Variants in VGLL1 observed in about 807,000 individuals in gnomAD.
VGLL1 encodes vestigial like family member 1.
VGLL1 carries 4 observed loss-of-function variants against 12.0 expected under a neutral mutation model. That is an observed-to-expected ratio of 0.33 (90% CI 0.16 to 0.76). VGLL1 has a LOEUF of 0.76. Among genes scored for constraint, VGLL1 ranks in the 30% least tolerant of loss-of-function variants. The probability of loss-of-function intolerance (pLI) is 0.60; values close to 1 mark genes in which losing one functional copy is unlikely to be tolerated. For synonymous variants in VGLL1, 87 were observed against 81.2 expected (o/e 1.07, Z -0.39); for missense variants, 204 against 208.7 (o/e 0.98, Z 0.14).
chrX:136,550,475 T>C (rs190607612), intron 3 of VGLL1: 24 of 233,935 alleles, frequency 1.0e-4, no homozygotes, highest in African/African-American at 6.9e-4. Context: ...CAAATGGTTA[T>C]CACCAAGGTC....
At chrX:136,539,150 C>T (rs899626350) in intron 2 of VGLL1, among the ~76,000 whole-genome samples, 2 of 111,900 alleles carry the variant, frequency 1.8e-5, no homozygotes, top group African/African-American at 3.3e-5. Flanking sequence ...TTTCTGAACA[C>T]ATTGGCTTGG....
chrX:136,536,065 A>C lies in VGLL1; in HGVS notation c.45A>C (p.Lys15Asn). Residue 15 changes from lysine to asparagine, a missense_variant, in exon 2 of 5, where the codon AAA (lysine) becomes AAC (asparagine). Physicochemically the swap from Lys to Asn is moderately conservative, Grantham distance 94. Transcript: ENST00000370634. The part of the protein sequence containing the change: ...KKTAIRLPKG[K>N]QKPIKTEWNS... ...CTGCCATCCGGCTGCCCAAAGGCAA[A>C]CAGAAGCCTATAAAGACGGAATGGA... 27 of 1,211,152 alleles carry C rather than the reference A, an allele frequency of 2.2e-5. No homozygotes were observed. The highest frequency in any genetic ancestry group is 2.9e-5 in the Non-Finnish European group (26 of 895,400).
intron 4 of VGLL1, among the ~76,000 whole-genome samples, chrX:136,555,338 C>T (rs766644238): frequency 1.8e-5 from 2 of 111,486 alleles, no homozygotes; most frequent in Non-Finnish European, 3.8e-5. Flanking sequence ...GAAGAGTGAA[C>T]CAGAGATGAG....
At chrX:136,542,504 A>C (rs181586579) in intron 2 of VGLL1, among the ~76,000 whole-genome samples, 1 of 112,691 alleles carries the variant, frequency 8.9e-6, no homozygotes, top group Admixed American at 9.3e-5. Flanking sequence ...TGAGAGGGGT[A>C]CGGTGTGCTT....
At chrX:136,533,772 C>T (rs1393568170) in intron 1 of VGLL1, among the ~76,000 whole-genome samples, 3 of 111,435 alleles carry the variant, frequency 2.7e-5, no homozygotes, top group Non-Finnish European at 5.7e-5. Context: ...GAGACTGAGG[C>T]CCATAGAGGA....
At chrX:136,537,063 T>C (rs1397934933) in intron 2 of VGLL1, among the ~76,000 whole-genome samples, 1 of 112,189 alleles carries the variant, frequency 8.9e-6, no homozygotes, top group Non-Finnish European at 1.9e-5. Flanking sequence ...GAGAGGTGGT[T>C]TTGAAAAGTT....
intron 2 of VGLL1, among the ~76,000 whole-genome samples, chrX:136,544,361 A>G (rs1416273408): frequency 2.7e-5 from 3 of 112,540 alleles, no homozygotes; most frequent in Non-Finnish European, 5.6e-5. Flanking sequence ...CAAAGAGTAC[A>G]CACAAATTTT....
At chrX:136,555,486 T>C (rs2075898693) in intron 4 of VGLL1, among the ~76,000 whole-genome samples, 1 of 111,665 alleles carries the variant, frequency 9.0e-6, no homozygotes, top group Admixed American at 9.5e-5. Context: ...AGAGCCTCTT[T>C]GCATGATAAT....
intron 2 of VGLL1, among the ~76,000 whole-genome samples, chrX:136,539,022 G>A (rs1380587513): frequency 9.0e-6 from 1 of 111,485 alleles, no homozygotes; most frequent in Non-Finnish European, 1.9e-5. Context: ...TGTGGTAAGA[G>A]CTGAGAAATG....
chrX:136,538,307 G>A (rs188924616), intron 2 of VGLL1, among the ~76,000 whole-genome samples: 2 of 112,293 alleles, frequency 1.8e-5, no homozygotes, highest in African/African-American at 3.2e-5. Context: ...TTGGTATAAA[G>A]ATGAATATAA....
At position 136,548,803 on chromosome X, in the gene VGLL1, G is replaced by A. The variant is rs1230555280; in HGVS notation, c.429G>A (p.Glu143=). ...CCCTGGCGGGCACCAGCTCCTTAGA[G>A]CCTGGCTACTCTCATCCCTTCCCCG... ...FSSLAGTSSL[E]PGYSHPFPAR... is the part of the protein sequence containing the mutation. Residue 143 remains glutamate, a synonymous_variant, in exon 3 of 5, where the codon GAG becomes GAA. Transcript: ENST00000370634. The A allele has an allele frequency of 1.7e-6, 2 of 1,210,645 alleles. No homozygotes were observed. The highest frequency in any genetic ancestry group is 1.8e-5 in the South Asian group (1 of 56,844).
chrX:136,556,685 A>G lies in VGLL1; in HGVS notation c.*146A>G. 2 of 470,649 alleles carry G rather than the reference A, an allele frequency of 4.2e-6. No homozygotes were observed. The highest frequency in any genetic ancestry group is 7.0e-6 in the Non-Finnish European group (2 of 284,971). The allele number at this position is 470,649 out of a possible 1,213,427, so 38.8% of individuals were successfully genotyped here. A position where few individuals can be genotyped will look rare whatever the true frequency, so the allele number is the denominator to read the frequency against. On this transcript the variant is annotated 3_prime_UTR_variant, in exon 5 of 5. Transcript: ENST00000370634. ...GCTTCGTGTCTAGTATGAGCTCAGT[A>G]CTTGCCCTGTGAAAATCCCAGAAGC...
chrX:136,538,550 C>T (rs2075846697), intron 2 of VGLL1, among the ~76,000 whole-genome samples: 1 of 111,891 alleles, frequency 8.9e-6, no homozygotes. Context: ...TTCAAGAGCT[C>T]TTTATTGGTG....
intron 2 of VGLL1, among the ~76,000 whole-genome samples, chrX:136,545,376 A>G (rs867424967): frequency 3.0e-4 from 34 of 111,595 alleles, no homozygotes; most frequent in African/African-American, 1.1e-3. Flanking sequence ...AAGTGTGTGC[A>G]CTCATTAGAA....
At chrX:136,556,228 C>A (rs2075900669) in intron 4 of VGLL1, among the ~76,000 whole-genome samples, 1 of 111,655 alleles carries the variant, frequency 9.0e-6, no homozygotes, top group Non-Finnish European at 1.9e-5. Flanking sequence ...GAGTAAACTG[C>A]CCGTCACAAG....
At position 136,556,770 on chromosome X, in the gene VGLL1, T is replaced by C. The variant is rs763086023; in HGVS notation, c.*231T>C. ...TGCTCCTGTGTAACAGCTCAGATGA[T>C]GAATAATAATAAAACTGTACTTTTT... On this transcript the variant is annotated 3_prime_UTR_variant, in exon 5 of 5. Coordinates refer to ENST00000370634, the MANE Select transcript of VGLL1 (RefSeq NM_016267.4). 3 of 347,758 alleles carry C rather than the reference T, an allele frequency of 8.6e-6. No homozygotes were observed. Among genetic ancestry groups the C allele is most frequent in the Non-Finnish European group, 1.5e-5 (3 of 200,266 alleles). 28.7% of individuals were successfully genotyped at this position (347,758 alleles called of 1,213,427 possible).
intron 2 of VGLL1, among the ~76,000 whole-genome samples, chrX:136,537,594 C>G (rs1009661672): frequency 7.2e-5 from 8 of 111,485 alleles, no homozygotes; most frequent in Non-Finnish European, 1.5e-4. Context: ...GGGTCTCACT[C>G]TGTTGCTCAG....
At chrX:136,546,141 C>T (rs1603309158) in intron 2 of VGLL1, among the ~76,000 whole-genome samples, 1 of 111,195 alleles carries the variant, frequency 9.0e-6, no homozygotes, top group African/African-American at 3.3e-5. Context: ...CAAATTCTGC[C>T]CTGGGGCTCC....
At chrX:136,541,140 G>A (rs1490351077) in intron 2 of VGLL1, among the ~76,000 whole-genome samples, 2 of 111,729 alleles carry the variant, frequency 1.8e-5, no homozygotes, top group East Asian at 5.6e-4. Context: ...AGGTTTTCAG[G>A]GGGTTCTGTT....
Sources: allele counts gnomAD v4.1 joint callset (sites outside exome capture counted in the v4.1 genomes callset), GRCh38; gene constraint gnomAD v4.1.1; transcripts MANE v1.5; gene names NCBI Gene and HGNC (gene_info 2026-07-23, HGNC 2026-07-21).